ESR1: variants seen among roughly 807,000 people sequenced by gnomAD.
ESR1 encodes the protein estrogen receptor.
ESR1 carries 12 observed loss-of-function variants against 52.7 expected under a neutral mutation model. The observed-to-expected ratio is 0.23, with a 90% CI of 0.15 to 0.37. The LOEUF is 0.37. ESR1 is among the 10% of genes least tolerant of loss of function. The pLI is 1.00. For missense variants in ESR1, 584 were observed against 779.7 expected, an observed-to-expected ratio of 0.75 and a Z score of 2.99; for synonymous variants, 305 against 316.8, an observed-to-expected ratio of 0.96 and a Z score of 0.39.
chr6:151,950,572 C>G (rs921032123), intron 4 of ESR1, among the ~76,000 whole-genome samples: 2 of 152,090 alleles, frequency 1.3e-5, no homozygotes, highest in Non-Finnish European at 2.9e-5. Context: ...GACTGGCATT[C>G]TAATGAAAGG....
At chr6:152,091,652 G>A (rs573889270) in intron 6 of ESR1, among the ~76,000 whole-genome samples, 6 of 152,208 alleles carry the variant, frequency 3.9e-5, no homozygotes, top group African/African-American at 9.6e-5. Context: ...CCCAGAGGCC[G>A]AGTGCCATGT....
At chr6:151,897,473 T>G (rs1189104211) in intron 3 of ESR1, among the ~76,000 whole-genome samples, 1 of 152,210 alleles carries the variant, frequency 6.6e-6, no homozygotes, top group East Asian at 1.9e-4. Context: ...GTTTTAAAGT[T>G]TGTTTTGTCT....
chr6:151,794,928 TG>T (rs1776543485), intron 2 of ESR1, among the ~76,000 whole-genome samples: 1 of 152,170 alleles, frequency 6.6e-6, no homozygotes, highest in African/African-American at 2.4e-5. Context: ...CCAAAACCTT[TG>T]GGCCACACAA....
chr6:151,834,781 C>A (rs928459118), intron 1 of ESR1, among the ~76,000 whole-genome samples: 1 of 151,860 alleles, frequency 6.6e-6, no homozygotes, highest in Non-Finnish European at 1.5e-5. Flanking sequence ...GAAAGCCAGG[C>A]AGGGAGAAGG....
At chr6:151,860,265 G>C (rs1365934655) in intron 2 of ESR1, among the ~76,000 whole-genome samples, 1 of 152,010 alleles carries the variant, frequency 6.6e-6, no homozygotes, top group Admixed American at 6.6e-5. Context: ...TTTTTGGGGG[G>C]CATGGAGTGA....
chr6:151,754,826 C>G (rs781568800), intron 2 of ESR1, among the ~76,000 whole-genome samples: 3 of 152,222 alleles, frequency 2.0e-5, no homozygotes, highest in Non-Finnish European at 4.4e-5. Flanking sequence ...CTATCACTCC[C>G]TTTCTCCTTG....
intron 2 of ESR1, among the ~76,000 whole-genome samples, chr6:151,757,652 C>T (rs1784387423): frequency 6.6e-6 from 1 of 152,168 alleles, no homozygotes; most frequent in African/African-American, 2.4e-5. Flanking sequence ...TTCACCCAAA[C>T]ATTGAAGTTC....
intron 1 of ESR1, among the ~76,000 whole-genome samples, chr6:151,660,359 T>C (rs1777597414): frequency 6.6e-6 from 1 of 152,214 alleles, no homozygotes; most frequent in Admixed American, 6.5e-5. Context: ...GCTAAGCTTT[T>C]GAGAGGGACA....
At chr6:151,939,182 G>A (rs2034740724) in intron 3 of ESR1, among the ~76,000 whole-genome samples, 1 of 152,100 alleles carries the variant, frequency 6.6e-6, no homozygotes, top group Non-Finnish European at 1.5e-5. Context: ...CAACATGTTG[G>A]TCCCTGCAAG....
chr6:151,955,824 G>A (rs1329917547), intron 4 of ESR1, among the ~76,000 whole-genome samples: 1 of 152,096 alleles, frequency 6.6e-6, no homozygotes, highest in Non-Finnish European at 1.5e-5. Flanking sequence ...TTGTCACCCA[G>A]GTACTAAGCA....
At chr6:152,051,240 T>G (rs2128927042) in intron 5 of ESR1, among the ~76,000 whole-genome samples, 1 of 152,342 alleles carries the variant, frequency 6.6e-6, no homozygotes, top group African/African-American at 2.4e-5. Flanking sequence ...CAAGATTACC[T>G]TCTAGAATTT....
intron 2 of ESR1, among the ~76,000 whole-genome samples, chr6:151,758,663 A>G (rs1032504709): frequency 1.3e-5 from 2 of 151,856 alleles, no homozygotes; most frequent in Non-Finnish European, 2.9e-5. Flanking sequence ...CAGGAGGCTG[A>G]GGCAGGAGAA....
rs1295637385 is a variant in ESR1 at position 152,110,200 on chromosome 6, C to T, written c.851-15066C>T. On this transcript the variant is annotated intron_variant, in intron 6 of 6. Transcript: ENST00000427531. ...TGGTACTTCTTAGACCAGGGTTGAGCTTCCTAGGAATTACTGAGAGTTGCT... is the reference window on the plus strand; with the variant it reads ...TGGTACTTCTTAGACCAGGGTTGAGTTTCCTAGGAATTACTGAGAGTTGCT... Among the ~76,000 whole-genome samples, 3 of 152,166 alleles carry T rather than the reference C, an allele frequency of 2.0e-5. No homozygotes were observed. In the East Asian group the frequency reaches 5.8e-4, roughly 29 times the overall value.
chr6:151,789,147 G>C (rs1787295484), intron 2 of ESR1, among the ~76,000 whole-genome samples: 1 of 152,156 alleles, frequency 6.6e-6, no homozygotes, highest in South Asian at 2.1e-4. Flanking sequence ...TGTTGGTGAG[G>C]ATGTGGAGAA....
intron 7 of ESR1, among the ~76,000 whole-genome samples, chr6:152,097,618 C>T (rs1368400897): frequency 6.6e-6 from 1 of 152,106 alleles, no homozygotes; most frequent in Non-Finnish European, 1.5e-5. Flanking sequence ...GTTCTCCTCC[C>T]CACCCCCGCC....
chr6:151,764,991 A>T (rs1204995777), intron 2 of ESR1, among the ~76,000 whole-genome samples: 7 of 152,250 alleles, frequency 4.6e-5, no homozygotes, highest in Non-Finnish European at 8.8e-5. Flanking sequence ...TGTCAGCCAC[A>T]CGTGTCGTTT....
exon 7 of ESR1, chr6:152,126,402 G>T (rs929359885): frequency 3.0e-4 from 46 of 152,160 alleles, no homozygotes; most frequent in African/African-American, 1.1e-3. Flanking sequence ...TAAGTTTCTA[G>T]AGTCTTGGGA....
At chr6:151,836,552 G>A (rs901039514) in intron 1 of ESR1, among the ~76,000 whole-genome samples, 24 of 152,182 alleles carry the variant, frequency 1.6e-4, no homozygotes, top group African/African-American at 5.6e-4. Flanking sequence ...ATAAGATTTA[G>A]GTGGGGATAC....
At chr6:151,782,257 G>A (rs1435458966) in intron 2 of ESR1, among the ~76,000 whole-genome samples, 2 of 152,098 alleles carry the variant, frequency 1.3e-5, no homozygotes, top group Admixed American at 6.5e-5. Flanking sequence ...TGAAACTAAT[G>A]TATCATCATG....
Sources: gnomAD v4.1 joint callset for allele counts (sites outside exome capture counted in the v4.1 genomes callset) on GRCh38, gnomAD v4.1.1 for gene constraint, MANE v1.5 for transcripts, NCBI Gene and HGNC (gene_info 2026-07-23, HGNC 2026-07-21) for gene names.